Variants in MYRIP observed in about 807,000 individuals in gnomAD.
MYRIP encodes myosin VIIA and Rab interacting protein, also known as rab effector MyRIP.
In MYRIP, 49 loss-of-function variants were observed where a neutral mutation model predicts 98.0. That is an observed-to-expected ratio of 0.50 (90% CI 0.40 to 0.63). The LOEUF is 0.63. MYRIP is among the 30% of genes least tolerant of loss of function. The pLI, the probability that MYRIP is intolerant of heterozygous loss-of-function variation, is 0.00. For synonymous variants in MYRIP, 404 were observed against 409.5 expected (o/e 0.99, Z 0.16); for missense variants, 1,004 against 1,058.2 (o/e 0.95, Z 0.71).
Position 40,259,527 on chromosome 3 carries a change from A to T in MYRIP, c.*1361A>T, listed in dbSNP as rs904471912. The T allele has an allele frequency of 6.6e-6, 1 of 152,240 alleles. No homozygotes were observed. Among genetic ancestry groups the T allele is most frequent in the South Asian group, 2.1e-4 (1 of 4,836 alleles). The allele number at this position is 152,240 out of a possible 1,614,324, so 9.4% of individuals were successfully genotyped here. On this transcript the variant is annotated 3_prime_UTR_variant, in exon 17 of 17. Transcript: ENST00000302541. ...TTAATAACTGAAGGCCAGAGAGATT[A>T]ATTTGCCAAAGCCACACCTTTATGC...
intron 2 of MYRIP, among the ~76,000 whole-genome samples, chr3:39,987,061 A>G (rs1946048449): frequency 6.6e-6 from 1 of 152,092 alleles, no homozygotes; most frequent in Non-Finnish European, 1.5e-5. Context: ...ACATAGGTAT[A>G]TGTGTGCCAT....
chr3:40,161,450 A>G (rs142630086), intron 4 of MYRIP, among the ~76,000 whole-genome samples: 5 of 152,122 alleles, frequency 3.3e-5, no homozygotes, highest in Non-Finnish European at 5.9e-5. Context: ...CTTCCTTCCT[A>G]TGGCCTACAG....
chr3:40,026,530 A>T (rs1947134132), intron 2 of MYRIP, among the ~76,000 whole-genome samples: 1 of 152,216 alleles, frequency 6.6e-6, no homozygotes, highest in African/African-American at 2.4e-5. Context: ...TAAGACAGGC[A>T]TAAGAAATTA....
intron 1 of MYRIP, among the ~76,000 whole-genome samples, chr3:39,830,338 G>A (rs1404744606): frequency 6.6e-6 from 1 of 152,126 alleles, no homozygotes; most frequent in Non-Finnish European, 1.5e-5. Context: ...ACAGTTAACT[G>A]GCCTCACGTG....
At chr3:40,026,974 A>T (rs1048778837) in intron 2 of MYRIP, among the ~76,000 whole-genome samples, 1 of 151,924 alleles carries the variant, frequency 6.6e-6, no homozygotes, top group South Asian at 2.1e-4. Flanking sequence ...AGGGTGGCTC[A>T]TCCATTCCCC....
At chr3:39,906,875 G>C (rs926888057) in intron 2 of MYRIP, among the ~76,000 whole-genome samples, 9 of 152,198 alleles carry the variant, frequency 5.9e-5, no homozygotes, top group African/African-American at 2.2e-4. Context: ...AAGAGGCACT[G>C]ACTGGAAGAA....
chr3:39,815,849 C>T (rs183249752), intron 1 of MYRIP, among the ~76,000 whole-genome samples: 107 of 146,508 alleles, frequency 7.3e-4, no homozygotes, highest in Middle Eastern at 3.6e-3. Context: ...TTTGCTTTAA[C>T]GTGTTAAGAA....
At chr3:39,836,437 G>C (rs924297421) in intron 1 of MYRIP, among the ~76,000 whole-genome samples, 3 of 152,166 alleles carry the variant, frequency 2.0e-5, no homozygotes, top group Admixed American at 6.5e-5. Context: ...TTTGGATGGG[G>C]TTGTTTGTTA....
chr3:39,992,321 C>G (rs1317249922), intron 2 of MYRIP, among the ~76,000 whole-genome samples: 1 of 152,146 alleles, frequency 6.6e-6, no homozygotes, highest in Non-Finnish European at 1.5e-5. Context: ...CCACCTTGAG[C>G]CCCCAAACTC....
chr3:39,884,936 C>T (rs1274820472), intron 1 of MYRIP, among the ~76,000 whole-genome samples: 1 of 114,456 alleles, frequency 8.7e-6, no homozygotes, highest in Non-Finnish European at 1.7e-5. Flanking sequence ...CCCCCACCCC[C>T]CTTCTCCCTC....
chr3:39,859,970 T>A (rs980559692), intron 1 of MYRIP, among the ~76,000 whole-genome samples: 2 of 152,250 alleles, frequency 1.3e-5, no homozygotes, highest in African/African-American at 2.4e-5. Context: ...GGGTGCCCAC[T>A]CTCACTGCTT....
At chr3:40,162,898 G>A (rs962095477) in intron 5 of MYRIP, 88 bp downstream of exon 5, 8 of 1,219,022 alleles carry the variant, frequency 6.6e-6, no homozygotes, top group Non-Finnish European at 9.7e-6. Context: ...TCCCCCAGAT[G>A]CATTGTTACC....
intron 3 of MYRIP, among the ~76,000 whole-genome samples, chr3:40,121,946 T>C (rs1337310760): frequency 6.6e-6 from 1 of 152,168 alleles, no homozygotes; most frequent in African/African-American, 2.4e-5. Flanking sequence ...TTCTAGAATA[T>C]TAAAATGTCT....
intron 1 of MYRIP, among the ~76,000 whole-genome samples, chr3:39,890,586 G>T (rs888488496): frequency 4.7e-5 from 7 of 148,610 alleles, no homozygotes; most frequent in Admixed American, 6.7e-5. Context: ...ATCATGAATA[G>T]CTATCTATGG....
At chr3:39,902,851 T>C (rs950564543) in intron 2 of MYRIP, among the ~76,000 whole-genome samples, 34 of 152,312 alleles carry the variant, frequency 2.2e-4, no homozygotes, top group Admixed American at 5.9e-4. Flanking sequence ...GTCACTGTAG[T>C]AGACCCAACA....
At chr3:40,224,464 A>C (rs974363913) in intron 11 of MYRIP, among the ~76,000 whole-genome samples, 3 of 151,838 alleles carry the variant, frequency 2.0e-5, no homozygotes, top group African/African-American at 7.3e-5. Context: ...AGGCCAAGAA[A>C]GGAACTCCTC....
At chr3:39,855,641 G>T (rs962734262) in intron 1 of MYRIP, among the ~76,000 whole-genome samples, 2 of 152,072 alleles carry the variant, frequency 1.3e-5, no homozygotes, top group African/African-American at 2.4e-5. Flanking sequence ...GTAGCAGGAG[G>T]CTTCACCCAG....
At chr3:39,844,014 A>G (rs142585488) in intron 1 of MYRIP, among the ~76,000 whole-genome samples, 6 of 152,306 alleles carry the variant, frequency 3.9e-5, no homozygotes, top group Non-Finnish European at 7.4e-5. Flanking sequence ...AGAGACCTCC[A>G]CAGATGTCAT....
chr3:40,177,752 C>T (rs1575599484), intron 8 of MYRIP, among the ~76,000 whole-genome samples: 1 of 152,062 alleles, frequency 6.6e-6, no homozygotes, highest in Admixed American at 6.6e-5. Flanking sequence ...TATAAAAAGG[C>T]CTCTCTAATA....
Sources: allele counts gnomAD v4.1 joint callset (sites outside exome capture counted in the v4.1 genomes callset), GRCh38; gene constraint gnomAD v4.1.1; transcripts MANE v1.5; gene names NCBI Gene and HGNC (gene_info 2026-07-23, HGNC 2026-07-21).